USP29: variants seen among roughly 807,000 people sequenced by gnomAD.
USP29 encodes ubiquitin specific peptidase 29.
For missense variants in USP29, 1,102 were observed against 1,069.0 expected, an observed-to-expected ratio of 1.03 and a Z score of -0.43; for synonymous variants, 386 against 387.4, an observed-to-expected ratio of 1.00 and a Z score of 0.04.
chr19:57,130,079 C>T lies in USP29; in HGVS notation c.1404C>T (p.Ser468=), dbSNP rs767667594. 6.2e-7 allele frequency: 1 copy of T among 1,613,422 alleles called. No homozygotes were observed. Among genetic ancestry groups the T allele is most frequent in the Non-Finnish European group, 8.5e-7 (1 of 1,179,798 alleles). The change falls in exon 4 of 4, where the codon TCC becomes TCT. Residue 468 remains serine, a synonymous_variant. Transcript: ENST00000254181. ...AAGAAACAAAACCACTTCCTTTGTC[C>T]ATTCAGAATTCTTTAGATCTTTTCT... ...LHQETKPLPL[S]IQNSLDLFFK...
Position 57,129,052 on chromosome 19 carries a change from T to C in USP29, c.377T>C (p.Leu126Pro), listed in dbSNP as rs780693213. Residue 126 changes from leucine (L) to proline (P), a missense_variant, in exon 4 of 4, where the codon CTG becomes CCG. Leu to Pro is a moderately conservative substitution (Grantham distance 98). Coordinates refer to ENST00000254181, the MANE Select transcript of USP29 (RefSeq NM_020903.3). Reference sequence around the variant, plus strand: ...AGTGTGTTTGAAAGCAGGAATATGCTGAAGGAAATTGACAAAACTTCATTT... The same window carrying C: ...AGTGTGTTTGAAAGCAGGAATATGCCGAAGGAAATTGACAAAACTTCATTT... ...DWSVFESRNM[L>P]KEIDKTSFYS... 2 of 1,613,002 alleles carry C rather than the reference T, an allele frequency of 1.2e-6. No individual in the cohort carries two copies. Among genetic ancestry groups the C allele is most frequent in the South Asian group, 1.1e-5 (1 of 90,642 alleles).
chr19:57,121,457 A>G (rs2086795955), intron 1 of USP29, among the ~76,000 whole-genome samples: 1 of 145,214 alleles, frequency 6.9e-6, no homozygotes. Context: ...TATGTTATAT[A>G]TACTTATACA....
intron 3 of USP29, among the ~76,000 whole-genome samples, chr19:57,127,606 T>C (rs1396234829): frequency 6.6e-6 from 1 of 152,140 alleles, no homozygotes; most frequent in East Asian, 1.9e-4. Flanking sequence ...TAACGCCTCA[T>C]TAATCACGGA....
intron 2 of USP29, among the ~76,000 whole-genome samples, chr19:57,123,029 G>A (rs1036915372): frequency 6.6e-6 from 1 of 152,070 alleles, no homozygotes; most frequent in Non-Finnish European, 1.5e-5. Context: ...TTCCCACATG[G>A]TTTGCTGGGT....
rs148895356 is a variant in USP29, at chr19:57,130,688, C to T, written c.2013C>T (p.Ser671=). Residue 671 remains serine (S), a synonymous_variant, in exon 4 of 4, where the codon AGC becomes AGT. Transcript: ENST00000254181. ...VMYEDGGKLI[S]SPDTRLVEVH... ...ATGAAGATGGAGGGAAGCTGATCAG[C>T]AGCCCAGACACAAGGCTTGTCGAGG... 3 of 1,614,058 alleles carry T rather than the reference C, an allele frequency of 1.9e-6. No homozygotes were observed. The highest frequency in any genetic ancestry group is 2.5e-6 in the Non-Finnish European group (3 of 1,180,050).
chr19:57,130,496 G>A lies in USP29; in HGVS notation c.1821G>A (p.Gln607=). The change falls in exon 4 of 4, where the codon CAG becomes CAA. Residue 607 remains glutamine (Q), a synonymous_variant. Transcript: ENST00000254181. The part of the protein sequence containing the change: ...PDKNADLQRF[Q]RDCGDASQEQ... ...AGAATGCCGACCTACAAAGATTCCA[G>A]AGAGACTGTGGAGATGCAAGCCAAG... The A allele has an allele frequency of 1.9e-6, 3 of 1,614,166 alleles. No individual in the cohort carries two copies. The highest frequency in any genetic ancestry group is 2.5e-6 in the Non-Finnish European group (3 of 1,180,034).
intron 3 of USP29, 126 bp from the exon 4 acceptor site, chr19:57,128,534 A>G (rs1481985331): frequency 3.0e-6 from 3 of 1,003,476 alleles, no homozygotes; most frequent in African/African-American, 1.7e-5. Flanking sequence ...GCACCCCAAA[A>G]GAGTATTTTA....
At chr19:57,128,168 C>T (rs2086833479) in intron 3 of USP29, among the ~76,000 whole-genome samples, 1 of 152,162 alleles carries the variant, frequency 6.6e-6, no homozygotes, top group Non-Finnish European at 1.5e-5. Flanking sequence ...CCACCTTCTG[C>T]ATTGGTCTCG....
intron 3 of USP29, among the ~76,000 whole-genome samples, chr19:57,126,336 A>G (rs1413832585): frequency 6.6e-6 from 1 of 152,114 alleles, no homozygotes; most frequent in African/African-American, 2.4e-5. Context: ...CTCCTGGATA[A>G]TATCCCAAAG....
Position 57,128,812 on chromosome 19 carries a change from A to C in USP29, c.137A>C (p.Lys46Thr). ...IKLVVTFKSG[K>T]FIRIFQLSNN... is the part of the protein sequence containing the mutation. ...CTGGTGGTCACTTTCAAATCTGGAAAATTTATAAGAATTTTTCAGCTGAGC... is the reference window on the plus strand; with the variant it reads ...CTGGTGGTCACTTTCAAATCTGGAACATTTATAAGAATTTTTCAGCTGAGC... The change falls in exon 4 of 4, where the codon AAA becomes ACA. Residue 46 changes from lysine (K) to threonine (T), a missense_variant. Coordinates refer to ENST00000254181, the MANE Select transcript of USP29 (RefSeq NM_020903.3). 6.2e-7 allele frequency: 1 copy of C among 1,614,052 alleles called. No individual in the cohort carries two copies. Among genetic ancestry groups the C allele is most frequent in the Non-Finnish European group, 8.5e-7 (1 of 1,179,986 alleles).
At position 57,130,562 on chromosome 19, in the gene USP29, G is replaced by GTCAGAAT. The variant is rs1475110046; in HGVS notation, c.1889_1895dup (p.Leu632PhefsTer7). Reference sequence around the variant, plus strand: ...ACCTGGAAAATGGCTCTGCACTAGAGTCAGAATTGGTCCACTTTAGAGATA... The same window carrying GTCAGAAT: ...ACCTGGAAAATGGCTCTGCACTAGAGTCAGAATTCAGAATTGGTCCACTTTAGAGATA... On this transcript the variant is annotated frameshift_variant, in exon 4 of 4. Coordinates refer to ENST00000254181, the MANE Select transcript of USP29 (RefSeq NM_020903.3). LOFTEE classifies it low-confidence loss of function (END_TRUNC). The GTCAGAAT allele has an allele frequency of 9.3e-6, 15 of 1,614,064 alleles. No homozygotes were observed. The highest frequency in any genetic ancestry group is 1.3e-5 in the Non-Finnish European group (15 of 1,180,040).
Position 57,131,330 on chromosome 19 carries a change from T to C in USP29, c.2655T>C (p.Asn885=). The C allele has an allele frequency of 3.7e-6, 6 of 1,614,128 alleles. No homozygotes were observed. The highest frequency in any genetic ancestry group is 5.1e-6 in the Non-Finnish European group (6 of 1,180,020). The change falls in exon 4 of 4, where the codon AAT becomes AAC. Residue 885 remains asparagine (N), a synonymous_variant. Coordinates refer to ENST00000254181, the MANE Select transcript of USP29 (RefSeq NM_020903.3). ...GGTATATCTTCTTTTACATGCACAA[T>C]GGGATTTTTGAGGAGCTGTTAAGAA... ...HSGYIFFYMH[N]GIFEELLRKA... is the part of the protein sequence containing the mutation.
intron 3 of USP29, among the ~76,000 whole-genome samples, chr19:57,126,028 G>T (rs551484178): frequency 3.2e-4 from 49 of 152,276 alleles, no homozygotes; most frequent in African/African-American, 1.2e-3. Flanking sequence ...ATGAAGCTTA[G>T]TTTGGCTGGA....
chr19:57,130,135 A>G lies in USP29; in HGVS notation c.1460A>G (p.Gln487Arg), dbSNP rs1162837715. The change falls in exon 4 of 4, where the codon CAG (glutamine) becomes CGG (arginine). Residue 487 changes from glutamine (Q) to arginine (R), a missense_variant. Transcript: ENST00000254181. ...FKEEELEYNCQMCKQKSCVAR... is the reference protein window; with the variant it reads ...FKEEELEYNCRMCKQKSCVAR... ...GAAGAAGAGCTTGAATATAACTGTC[A>G]GATGTGTAAGCAGAAGAGTTGTGTT... 1 of 1,614,002 alleles carries G rather than the reference A, an allele frequency of 6.2e-7. No homozygotes were observed. Among genetic ancestry groups the G allele is most frequent in the African/African-American group, 1.3e-5 (1 of 75,034 alleles).
At position 57,129,209 on chromosome 19, in the gene USP29, G is replaced by A; in HGVS notation, c.534G>A (p.Gln178=). 1.2e-6 allele frequency: 2 copies of A among 1,612,016 alleles called. No individual in the cohort carries two copies. The highest frequency in any genetic ancestry group is 2.2e-5 in the South Asian group (2 of 90,608). The change falls in exon 4 of 4, where the codon CAG becomes CAA. Residue 178 remains glutamine (Q), a synonymous_variant. Transcript: ENST00000254181. ...AAAACACACTATCATCTGATGTACA[G>A]ACAAATGAGGACATTCTGAAGGAAG... is the stretch of plus-strand genomic sequence containing the variant. ...KGQNTLSSDV[Q]TNEDILKEDN...
intron 3 of USP29, among the ~76,000 whole-genome samples, chr19:57,126,608 C>G (rs541958237): frequency 6.6e-6 from 1 of 151,938 alleles, no homozygotes; most frequent in African/African-American, 2.4e-5. Context: ...TCAGCTCCAT[C>G]AGGTCATTTA....
chr19:57,119,425 G>A (rs1314017289), upstream of USP29, among the ~76,000 whole-genome samples: 1 of 152,060 alleles, frequency 6.6e-6, no homozygotes, highest in Non-Finnish European at 1.5e-5. Flanking sequence ...TTTTTTGGGG[G>A]TTTTGTTGTT....
Position 57,131,419 on chromosome 19 carries a change from G to A in USP29, c.2744G>A (p.Gly915Asp). 1 of 1,612,952 alleles carries A rather than the reference G, an allele frequency of 6.2e-7. No homozygotes were observed. The highest frequency in any genetic ancestry group is 8.5e-7 in the Non-Finnish European group (1 of 1,179,530). The change falls in exon 4 of 4, where the codon GGT becomes GAT. Residue 915 changes from glycine (G) to aspartate (D), a missense_variant. Physicochemically the swap from Gly to Asp is moderately conservative, Grantham distance 94 (BLOSUM62 -1). Transcript: ENST00000254181. Reference protein sequence around the residue: ...AGVIPQGEYEGDSLYRPA With the variant: ...AGVIPQGEYEDDSLYRPA ...GTGATCCCTCAGGGGGAATACGAAG[G>A]TGACTCTTTGTACAGACCTGCTTGA...
intron 2 of USP29, among the ~76,000 whole-genome samples, 192 bp downstream of exon 2, chr19:57,122,666 T>C (rs1304536271): frequency 6.6e-6 from 1 of 152,012 alleles, no homozygotes; most frequent in Admixed American, 6.6e-5. Flanking sequence ...TGAGGTTGAA[T>C]TGTAAATTCG....
Sources: gnomAD v4.1 joint callset for allele counts (sites outside exome capture counted in the v4.1 genomes callset) on GRCh38, gnomAD v4.1.1 for gene constraint, MANE v1.5 for transcripts, NCBI Gene and HGNC (gene_info 2026-07-23, HGNC 2026-07-21) for gene names.